Variants in TMEM51 observed in about 807,000 individuals in gnomAD.
The protein encoded by TMEM51 is transmembrane protein 51.
Under a neutral mutation model 13.6 loss-of-function variants are expected in TMEM51, and 8 were observed. That is an observed-to-expected ratio of 0.59 (90% confidence interval 0.35 to 1.07). The LOEUF is 1.07. Among genes scored for constraint, TMEM51 ranks in the 50% least tolerant of loss-of-function variants. TMEM51 has a pLI of 0.02. For missense variants in TMEM51, 279 were observed against 330.7 expected, an observed-to-expected ratio of 0.84 and a Z score of 1.21; for synonymous variants, 147 against 144.4, an observed-to-expected ratio of 1.02 and a Z score of -0.13.
chr1:15,206,081 G>A (rs1489355329), intron 1 of TMEM51, among the ~76,000 whole-genome samples: 2 of 152,018 alleles, frequency 1.3e-5, no homozygotes, highest in African/African-American at 2.4e-5. Context: ...TACAAAAGAC[G>A]CAAAAAATAG....
At chr1:15,179,183 A>C (rs1161904530) in intron 1 of TMEM51, among the ~76,000 whole-genome samples, 1 of 152,128 alleles carries the variant, frequency 6.6e-6, no homozygotes, top group Non-Finnish European at 1.5e-5. Context: ...TAAAATTAGC[A>C]CTTCTACCTG....
At chr1:15,210,259 G>A (rs1048616041) in intron 1 of TMEM51, among the ~76,000 whole-genome samples, 4 of 152,158 alleles carry the variant, frequency 2.6e-5, no homozygotes, top group Non-Finnish European at 5.9e-5. Context: ...ATAATACCAT[G>A]AAAGAGTTTG....
At position 15,207,003 on chromosome 1, in the gene TMEM51, T is replaced by C. The variant is rs906511322; in HGVS notation, c.-266-3487T>C. On this transcript the variant is annotated intron_variant, in intron 1 of 3. Coordinates refer to ENST00000376008, the MANE Select transcript of TMEM51 (RefSeq NM_001136218.2). The surrounding 1 kb of genome is among the most constrained non-coding windows in gnomAD (Gnocchi z 4.6). ...AGCAGGGGCTCAGCACCTTTTTTCC[T>C]ACCCCCACTGCATGGGACTGGAAAT... 6.6e-6 allele frequency among the ~76,000 whole-genome samples: 1 copy of C among 152,208 alleles called. No homozygotes were observed. Among genetic ancestry groups the C allele is most frequent in the African/African-American group, 2.4e-5 (1 of 41,464 alleles).
chr1:15,197,351 C>G (rs888756575), intron 1 of TMEM51, among the ~76,000 whole-genome samples: 3 of 152,128 alleles, frequency 2.0e-5, no homozygotes, highest in Admixed American at 2.0e-4. Flanking sequence ...GTTAGGAGTG[C>G]CTGCTGGGCA....
At chr1:15,212,734 G>A (rs1039635326) in intron 2 of TMEM51, among the ~76,000 whole-genome samples, 1 of 152,190 alleles carries the variant, frequency 6.6e-6, no homozygotes, top group Admixed American at 6.5e-5. Context: ...TGGTCCTACC[G>A]CAGCTGTCTG....
chr1:15,190,217 G>A (rs1475595847), intron 1 of TMEM51, among the ~76,000 whole-genome samples: 1 of 152,132 alleles, frequency 6.6e-6, no homozygotes, highest in Non-Finnish European at 1.5e-5. Context: ...TTAACATGAG[G>A]CTTTGGGCAG....
intron 1 of TMEM51, chr1:15,192,214 C>A (rs1036708948): frequency 2.6e-6 from 1 of 382,760 alleles, no homozygotes; most frequent in Non-Finnish European, 5.2e-6. Flanking sequence ...TGTAAGAGAT[C>A]TTTCTAAATC....
chr1:15,189,439 C>T (rs1573415483), intron 1 of TMEM51, among the ~76,000 whole-genome samples: 1 of 152,058 alleles, frequency 6.6e-6, no homozygotes, highest in Non-Finnish European at 1.5e-5. Context: ...CCTTGCTGGC[C>T]TTCACCTCTC....
Position 15,214,885 on chromosome 1 carries a change from T to C in TMEM51, c.-193-10T>C. The C allele has an allele frequency of 1.7e-6, 1 of 583,134 alleles. No homozygotes were observed. The highest frequency in any genetic ancestry group is 3.0e-6 in the Non-Finnish European group (1 of 331,326). 36.1% of individuals were successfully genotyped at this position (583,134 alleles called of 1,614,324 possible). A position where few individuals can be genotyped will look rare whatever the true frequency, so the allele number is the denominator to read the frequency against. ...GATCGTCCTCTCTGCTCTTTCTGCT[T>C]TCCTTCCAGGCCCTTCCACCGCAGC... On this transcript the variant is annotated splice_polypyrimidine_tract_variant and intron_variant, in intron 2 of 3. Transcript: ENST00000376008.
intron 1 of TMEM51, among the ~76,000 whole-genome samples, chr1:15,170,176 C>T (rs543921092): frequency 2.0e-5 from 3 of 150,408 alleles, no homozygotes; most frequent in Non-Finnish European, 4.4e-5. Context: ...TCTTTCCATT[C>T]TAGTAAGTCC....
rs575891841 is a variant in TMEM51, at chr1:15,219,879, G to A, written c.*136G>A. ...GAGCCATTTGGATGGCGGCGGGCGG[G>A]GGGGGATTCTCTGTATCAGGAGTGA... On this transcript the variant is annotated 3_prime_UTR_variant, in exon 4 of 4. Coordinates refer to ENST00000376008, the MANE Select transcript of TMEM51 (RefSeq NM_001136218.2). The A allele has an allele frequency of 3.5e-5, 34 of 978,232 alleles. No individual in the cohort carries two copies. The highest frequency in any genetic ancestry group is 2.6e-4 in the African/African-American group (16 of 61,230). The allele number at this position is 978,232 out of a possible 1,614,324, so 60.6% of individuals were successfully genotyped here.
chr1:15,152,655 C>G (rs1642435515), upstream of TMEM51: 2 of 152,388 alleles, frequency 1.3e-5, no homozygotes, highest in East Asian at 3.9e-4. Flanking sequence ...GGAATGGGAG[C>G]TGGCTCTTCC....
intron 1 of TMEM51, among the ~76,000 whole-genome samples, chr1:15,200,842 G>T (rs192700118): frequency 6.6e-6 from 1 of 152,114 alleles, no homozygotes; most frequent in African/African-American, 2.4e-5. Flanking sequence ...AGGGAAAAAC[G>T]ACACTAAGAA....
chr1:15,201,911 G>A (rs1054450294), intron 1 of TMEM51, among the ~76,000 whole-genome samples: 6 of 152,162 alleles, frequency 3.9e-5, no homozygotes, highest in Non-Finnish European at 8.8e-5. Context: ...TGCAGGACTC[G>A]TGGGCCTGCA....
At chr1:15,165,891 T>C (rs527588506) in intron 1 of TMEM51, among the ~76,000 whole-genome samples, 20 of 151,192 alleles carry the variant, frequency 1.3e-4, no homozygotes, top group African/African-American at 4.4e-4. Context: ...TGAGCCGAGA[T>C]TGCGCCACTG....
chr1:15,190,755 T>C (rs1368068020), intron 1 of TMEM51, among the ~76,000 whole-genome samples: 1 of 152,086 alleles, frequency 6.6e-6, no homozygotes, highest in African/African-American at 2.4e-5. Context: ...AGAGTTTTTT[T>C]GTTTTGTTTT....
At chr1:15,164,636 C>T (rs574786841) in intron 1 of TMEM51, among the ~76,000 whole-genome samples, 2 of 151,880 alleles carry the variant, frequency 1.3e-5, no homozygotes, top group East Asian at 1.9e-4. Context: ...AACATGAGAG[C>T]GAAAGGCAAC....
intron 1 of TMEM51, among the ~76,000 whole-genome samples, chr1:15,155,866 A>G (rs1292018175): frequency 6.6e-6 from 1 of 152,210 alleles, no homozygotes; most frequent in Non-Finnish European, 1.5e-5. Context: ...CGTCCCTTTC[A>G]TTCAAGTTCT....
chr1:15,208,477 A>G (rs1428020143), intron 1 of TMEM51, among the ~76,000 whole-genome samples: 2 of 152,084 alleles, frequency 1.3e-5, no homozygotes, highest in African/African-American at 4.8e-5. Context: ...TTAAAAATTA[A>G]AACATTAGCT....
Sources: gnomAD v4.1 joint callset for allele counts (sites outside exome capture counted in the v4.1 genomes callset) on GRCh38, gnomAD v4.1.1 for gene constraint, Gnocchi (gnomAD v3.1) non-coding constraint, MANE v1.5 for transcripts, NCBI Gene and HGNC (gene_info 2026-07-23, HGNC 2026-07-21) for gene names.